SMCO4: variants seen among roughly 807,000 people sequenced by gnomAD.
SMCO4 encodes single-pass membrane protein with coiled-coil domains 4, also known as single-pass membrane and coiled-coil domain-containing protein 4.
In SMCO4, 4 loss-of-function variants were observed where a neutral mutation model predicts 3.6. The ratio of observed to expected loss-of-function variants is 1.11; its 90% CI spans 0.54 to 2.53. SMCO4 has a LOEUF of 2.53. Among genes scored for constraint, SMCO4 ranks in the 30% most tolerant of loss-of-function variants. The pLI, the probability that SMCO4 is intolerant of heterozygous loss-of-function variation, is 0.02. For missense variants in SMCO4, 70 were observed against 80.8 expected (o/e 0.87, Z 0.51); for synonymous variants, 36 against 35.3 (o/e 1.02, Z -0.07).
rs76738374 is a variant in SMCO4 at position 93,508,343 on chromosome 11, A to G, written c.-153-8995T>C. ...GACAGATTTGCCTTTTAGAAAAAGC[A>G]AGGACAGCATAAAAGTGCCTCTGCT... On this transcript the variant is annotated intron_variant, in intron 1 of 2. Coordinates refer to ENST00000298966, the MANE Select transcript of SMCO4 (RefSeq NM_020179.3). Among the ~76,000 whole-genome samples the G allele has an allele frequency of 5.4e-3, 826 of 152,332 alleles. 3 individuals carry two copies. Among genetic ancestry groups the G allele is most frequent in the African/African-American group, 0.019 (779 of 41,584 alleles).
intron 1 of SMCO4, among the ~76,000 whole-genome samples, chr11:93,532,552 G>A (rs2658772): frequency 0.34 from 52,112 of 152,014 alleles, 9,110 homozygotes; most frequent in South Asian, 0.43. Context: ...AGCCTCCAAA[G>A]TCATGTGAGC....
chr11:93,527,071 G>T (rs1220219546), intron 1 of SMCO4, among the ~76,000 whole-genome samples: 1 of 152,150 alleles, frequency 6.6e-6, no homozygotes, highest in Non-Finnish European at 1.5e-5. Context: ...CTTGGCAACC[G>T]CTGACAGGCA....
the SMCO4 span, among the ~76,000 whole-genome samples, chr11:93,549,149 G>T: frequency 6.6e-6 from 1 of 152,220 alleles, no homozygotes; most frequent in African/African-American, 2.4e-5. Flanking sequence ...ACATGCATGT[G>T]TGTGTACTTA....
At chr11:93,504,952 G>A (rs139619228) in intron 1 of SMCO4, among the ~76,000 whole-genome samples, 76 of 152,312 alleles carry the variant, frequency 5.0e-4, no homozygotes, top group African/African-American at 1.8e-3. Context: ...CCACAGTGTA[G>A]GGTTTGTCTT....
chr11:93,535,896 T>G, intron 1 of SMCO4: 1 of 1,597,516 alleles, frequency 6.3e-7, no homozygotes, highest in Non-Finnish European at 8.5e-7. Flanking sequence ...TAGCTAGGTT[T>G]CTGGTTCCCC....
chr11:93,511,102 A>G (rs2134609472), intron 1 of SMCO4, among the ~76,000 whole-genome samples: 1 of 152,254 alleles, frequency 6.6e-6, no homozygotes, highest in East Asian at 1.9e-4. Context: ...CCGTCTCAAA[A>G]TGGGACAAAA....
intron 1 of SMCO4, among the ~76,000 whole-genome samples, chr11:93,525,911 C>T (rs1304016842): frequency 1.3e-5 from 2 of 152,148 alleles, no homozygotes; most frequent in Non-Finnish European, 2.9e-5. Flanking sequence ...TGGACAGAAA[C>T]CCCAGCTTGG....
chr11:93,526,153 A>C (rs865867748), intron 1 of SMCO4, among the ~76,000 whole-genome samples: 1 of 152,178 alleles, frequency 6.6e-6, no homozygotes, highest in Non-Finnish European at 1.5e-5. Flanking sequence ...ATGTTCTACA[A>C]AGCATCAAGC....
At chr11:93,533,432 G>A (rs1949181853) in intron 1 of SMCO4, among the ~76,000 whole-genome samples, 1 of 152,194 alleles carries the variant, frequency 6.6e-6, no homozygotes, top group African/African-American at 2.4e-5. Flanking sequence ...AGCAACACAT[G>A]GCAGTGCAGG....
At chr11:93,521,641 T>G (rs892950786) in intron 1 of SMCO4, among the ~76,000 whole-genome samples, 3 of 152,208 alleles carry the variant, frequency 2.0e-5, no homozygotes, top group African/African-American at 7.2e-5. Context: ...AAAGCAAGGG[T>G]AAGAATACCT....
At chr11:93,494,554 C>A (rs1391778343) in intron 2 of SMCO4, among the ~76,000 whole-genome samples, 1 of 152,180 alleles carries the variant, frequency 6.6e-6, no homozygotes, top group East Asian at 1.9e-4. Context: ...CTGGAATGCA[C>A]CACTGCTGAG....
intron 2 of SMCO4, among the ~76,000 whole-genome samples, chr11:93,495,830 G>A (rs1419283412): frequency 6.6e-6 from 1 of 152,188 alleles, no homozygotes; most frequent in African/African-American, 2.4e-5. Flanking sequence ...ATCACTCCTT[G>A]TTCCATTTCC....
At chr11:93,495,499 T>C (rs1255410876) in intron 2 of SMCO4, among the ~76,000 whole-genome samples, 1 of 152,122 alleles carries the variant, frequency 6.6e-6, no homozygotes, top group Admixed American at 6.5e-5. Context: ...CAAATCGGCT[T>C]CAAGATAGGA....
chr11:93,536,224 C>T (rs1030503018), intron 1 of SMCO4, among the ~76,000 whole-genome samples: 1 of 152,262 alleles, frequency 6.6e-6, no homozygotes, highest in Non-Finnish European at 1.5e-5. Context: ...CAGCCCATTA[C>T]CACTGACAAC....
intron 2 of SMCO4, among the ~76,000 whole-genome samples, chr11:93,498,474 C>A (rs79356655): frequency 1.3e-5 from 2 of 152,136 alleles, no homozygotes; most frequent in African/African-American, 4.8e-5. Context: ...ATGCAACCCC[C>A]ACTCACACCC....
intron 2 of SMCO4, among the ~76,000 whole-genome samples, chr11:93,481,690 G>C (rs1268974380): frequency 6.6e-6 from 1 of 152,216 alleles, no homozygotes; most frequent in Non-Finnish European, 1.5e-5. Flanking sequence ...CAGCATTCCT[G>C]TTCAAAGCTG....
chr11:93,547,529 T>C (rs186896933), upstream of SMCO4, among the ~76,000 whole-genome samples: 13 of 152,308 alleles, frequency 8.5e-5, 1 homozygote, highest in Admixed American at 7.2e-4. Context: ...TATAGTTACA[T>C]ATTCTCATGT....
chr11:93,520,150 G>A (rs1381842360), intron 1 of SMCO4, among the ~76,000 whole-genome samples: 4 of 152,204 alleles, frequency 2.6e-5, no homozygotes, highest in African/African-American at 9.7e-5. Context: ...GTTTGTACTA[G>A]AGGCATCTGG....
At chr11:93,508,976 G>A (rs542497540) in intron 1 of SMCO4, among the ~76,000 whole-genome samples, 108 of 152,250 alleles carry the variant, frequency 7.1e-4, no homozygotes, top group Non-Finnish European at 1.2e-3. Flanking sequence ...CCATATAGAA[G>A]AGACAAGAGA....
Sources: allele counts gnomAD v4.1 joint callset (sites outside exome capture counted in the v4.1 genomes callset), GRCh38; gene constraint gnomAD v4.1.1; transcripts MANE v1.5; gene names NCBI Gene and HGNC (gene_info 2026-07-23, HGNC 2026-07-21).